The following CSMD1 variants were observed in gnomAD, a reference collection of about 807,000 sequenced individuals.
CSMD1 encodes the protein CUB and sushi domain-containing protein 1.
Under a neutral mutation model 417.5 loss-of-function variants are expected in CSMD1, and 213 were observed. The observed-to-expected ratio is 0.51, with a 90% CI of 0.46 to 0.57. The LOEUF is 0.57. CSMD1 is among the 20% of genes least tolerant of loss of function. The probability of loss-of-function intolerance (pLI) is 0.00; values close to 1 mark genes in which losing one functional copy is unlikely to be tolerated. For synonymous variants in CSMD1, 2,862 were observed against 1,736.8 expected (o/e 1.65, Z -16.11); for missense variants, 6,923 against 4,529.7 (o/e 1.53, Z -15.17).
intron 23 of CSMD1, among the ~76,000 whole-genome samples, chr8:3,341,169 C>T (rs1218789793): frequency 1.3e-5 from 2 of 152,068 alleles, no homozygotes; most frequent in African/African-American, 2.4e-5. Flanking sequence ...GAGCCTCGCC[C>T]ACTGACGCAA....
intron 2 of CSMD1, among the ~76,000 whole-genome samples, chr8:4,555,697 G>A (rs548765061): frequency 6.6e-6 from 1 of 152,142 alleles, no homozygotes; most frequent in Non-Finnish European, 1.5e-5. Context: ...CTCTTTAGGG[G>A]TGAGATTCTT....
At chr8:4,741,444 G>A (rs1157373864) in intron 1 of CSMD1, among the ~76,000 whole-genome samples, 1 of 152,108 alleles carries the variant, frequency 6.6e-6, no homozygotes, top group Non-Finnish European at 1.5e-5. Flanking sequence ...ATTTTTAAAT[G>A]TTGAAATATG....
At chr8:4,196,667 C>T (rs1456758795) in intron 3 of CSMD1, among the ~76,000 whole-genome samples, 1 of 152,156 alleles carries the variant, frequency 6.6e-6, no homozygotes, top group Non-Finnish European at 1.5e-5. Context: ...ACCCATTCTT[C>T]TGCCTCTTTC....
intron 3 of CSMD1, among the ~76,000 whole-genome samples, chr8:4,141,079 T>G (rs568201587): frequency 6.6e-6 from 1 of 151,314 alleles, no homozygotes; most frequent in African/African-American, 2.5e-5. Context: ...CCCCCAAATC[T>G]ACAAACTTCC....
intron 3 of CSMD1, among the ~76,000 whole-genome samples, chr8:4,039,695 A>C (rs1020787490): frequency 4.6e-5 from 7 of 152,168 alleles, no homozygotes; most frequent in African/African-American, 1.7e-4. Context: ...TGAGCTGTAA[A>C]TATACTTGAA....
At chr8:4,132,142 C>G (rs1803146011) in intron 3 of CSMD1, among the ~76,000 whole-genome samples, 1 of 149,816 alleles carries the variant, frequency 6.7e-6, no homozygotes, top group Admixed American at 6.7e-5. Context: ...AACGACATTT[C>G]TACAGATCAG....
At chr8:3,436,378 A>C (rs908114671) in intron 12 of CSMD1, among the ~76,000 whole-genome samples, 2 of 152,180 alleles carry the variant, frequency 1.3e-5, no homozygotes, top group Non-Finnish European at 2.9e-5. Flanking sequence ...TTTTCACTGC[A>C]AAACTGTCTG....
At chr8:4,369,508 C>T (rs1802280170) in intron 3 of CSMD1, among the ~76,000 whole-genome samples, 1 of 152,080 alleles carries the variant, frequency 6.6e-6, no homozygotes, top group South Asian at 2.1e-4. Context: ...AGTTTTCTGC[C>T]ACAATGATTT....
intron 1 of CSMD1, among the ~76,000 whole-genome samples, chr8:4,814,602 G>C (rs1055873368): frequency 3.3e-5 from 5 of 152,096 alleles, no homozygotes; most frequent in African/African-American, 1.2e-4. Flanking sequence ...AAATAATAAA[G>C]CTATATTTTA....
intron 12 of CSMD1, among the ~76,000 whole-genome samples, chr8:3,426,175 C>G (rs1173687711): frequency 6.6e-6 from 1 of 152,124 alleles, no homozygotes; most frequent in Non-Finnish European, 1.5e-5. Context: ...ACAGTAGATA[C>G]AAAAGCAGAG....
chr8:3,797,794 A>G (rs1056180948), intron 5 of CSMD1, among the ~76,000 whole-genome samples: 1 of 151,972 alleles, frequency 6.6e-6, no homozygotes, highest in African/African-American at 2.4e-5. Context: ...TTCCTAGGTT[A>G]TTAGGTAGGT....
chr8:4,634,714 C>T (rs910673488), intron 2 of CSMD1, among the ~76,000 whole-genome samples: 15 of 152,158 alleles, frequency 9.9e-5, no homozygotes, highest in Non-Finnish European at 2.2e-4. Flanking sequence ...CATTAGAGTG[C>T]TCCCTTTCCC....
chr8:4,791,019 T>C (rs1797656102), intron 1 of CSMD1, among the ~76,000 whole-genome samples: 1 of 151,882 alleles, frequency 6.6e-6, no homozygotes, highest in African/African-American at 2.4e-5. Context: ...CACTGCAAAA[T>C]AAACTATCAG....
chr8:4,331,306 C>A (rs993173309), intron 3 of CSMD1, among the ~76,000 whole-genome samples: 3 of 152,102 alleles, frequency 2.0e-5, no homozygotes, highest in Non-Finnish European at 2.9e-5. Flanking sequence ...CATCATGCTG[C>A]ACGGTGGGTG....
chr8:4,575,861 A>T (rs934568843), intron 2 of CSMD1, among the ~76,000 whole-genome samples: 1 of 152,120 alleles, frequency 6.6e-6, no homozygotes, highest in African/African-American at 2.4e-5. Context: ...CCTTCTAAAG[A>T]CTTGCAAACT....
chr8:4,094,975 A>G (rs962322848), intron 3 of CSMD1, among the ~76,000 whole-genome samples: 1 of 152,206 alleles, frequency 6.6e-6, no homozygotes, highest in Non-Finnish European at 1.5e-5. Flanking sequence ...AGTATTCAAT[A>G]ATATAGTATT....
rs542343159 is a variant in CSMD1 at position 3,790,099 on chromosome 8, G to C, written c.819-36057C>G. ...AAGGTCCATTATATGTCTATTAAATGAAAGTGTTAGCTGCTTATAGTTATT... is the reference window on the plus strand; with the variant it reads ...AAGGTCCATTATATGTCTATTAAATCAAAGTGTTAGCTGCTTATAGTTATT... On this transcript the variant is annotated intron_variant, in intron 5 of 69. Coordinates refer to ENST00000635120, the MANE Select transcript of CSMD1 (RefSeq NM_033225.6). Among the ~76,000 whole-genome samples the C allele has an allele frequency of 2.0e-5, 3 of 152,298 alleles. No individual in the cohort carries two copies. The East Asian group carries it at 5.8e-4, about 29-fold the overall frequency.
intron 7 of CSMD1, 42 bp downstream of exon 7, chr8:3,708,372 C>A: frequency 6.5e-7 from 1 of 1,544,388 alleles, no homozygotes; most frequent in Non-Finnish European, 9.0e-7. Context: ...CCTCTGCTTA[C>A]AAGGGCGTAT....
intron 10 of CSMD1, among the ~76,000 whole-genome samples, chr8:3,543,145 A>C (rs1337579554): frequency 2.0e-5 from 3 of 152,194 alleles, no homozygotes; most frequent in African/African-American, 7.2e-5. Flanking sequence ...GACAGAGAGA[A>C]GGACAAAAGT....
Sources: allele counts gnomAD v4.1 joint callset (sites outside exome capture counted in the v4.1 genomes callset), GRCh38; gene constraint gnomAD v4.1.1; transcripts MANE v1.5; gene names NCBI Gene and HGNC (gene_info 2026-07-23, HGNC 2026-07-21).